The following AP4M1 variants were observed in gnomAD, a reference collection of about 807,000 sequenced individuals.
The protein encoded by AP4M1 is AP-4 complex subunit mu-1.
Under a neutral mutation model 62.4 loss-of-function variants are expected in AP4M1, and 58 were observed. That is an observed-to-expected ratio of 0.93 (90% CI 0.75 to 1.16). AP4M1 has a LOEUF of 1.16. AP4M1 is among the 50% of genes most tolerant of loss of function. The pLI is 0.00. For missense variants in AP4M1, 626 were observed against 585.4 expected (o/e 1.07, Z -0.72); for synonymous variants, 290 against 239.7 (o/e 1.21, Z -1.94).
intron 6 of AP4M1, 129 bp downstream of exon 6, chr7:100,103,821 C>A: frequency 1.1e-6 from 1 of 941,804 alleles, no homozygotes; most frequent in Non-Finnish European, 1.6e-6. Flanking sequence ...GTGGGCAGAT[C>A]ACCTGATGCC....
chr7:100,105,140 T>C, intron 9 of AP4M1, 42 bp downstream of exon 9: 1 of 1,613,582 alleles, frequency 6.2e-7, no homozygotes, highest in Non-Finnish European at 8.5e-7. Context: ...AGTAGGTCAT[T>C]GCCAGAGTTC....
intron 11 of AP4M1, 147 bp from the exon 12 acceptor site, chr7:100,105,812 C>T (rs778221253): frequency 2.3e-5 from 23 of 1,007,086 alleles, no homozygotes; most frequent in Non-Finnish European, 2.8e-5. Context: ...AAAGCTTTGG[C>T]TAATGGAGTT....
rs145979929 is a variant in AP4M1, at chr7:100,106,456, C to A, written c.1079C>A (p.Ala360Asp). 8.9e-5 allele frequency: 144 copies of A among 1,613,860 alleles called. No homozygotes were observed. The African/African-American group carries it at 1.4e-3, about 16-fold the overall frequency. The change falls in exon 14 of 15, where the codon GCC (alanine) becomes GAC (aspartate). Residue 360 changes from alanine (A) to aspartate (D), a missense_variant. By Grantham distance (126) the Ala-to-Asp change is moderately radical. Coordinates refer to ENST00000359593, the MANE Select transcript of AP4M1 (RefSeq NM_004722.4). ...CAGAAGGCTGAGCTGGCAGAGGGAG[C>A]CCTTCGCTGGGACCTGCCTCGGGTG... ...PEQKAELAEG[A>D]LRWDLPRVQG...
In AP4M1 at chr7:100,107,505, G is replaced by T; in HGVS notation, c.*623G>T. On this transcript the variant is annotated 3_prime_UTR_variant, in exon 15 of 15. Transcript: ENST00000359593. ...AGGACCAGAGGGAGCAGTGCTGGGG[G>T]GTGCGGTGGTGGCGGTGGAGACCAA... 3 of 1,614,128 alleles carry T rather than the reference G, an allele frequency of 1.9e-6. No individual in the cohort carries two copies. The highest frequency in any genetic ancestry group is 2.5e-6 in the Non-Finnish European group (3 of 1,180,002).
In AP4M1 at chr7:100,108,577, T is replaced by C. The variant is rs1796825524; in HGVS notation, c.*1695T>C. 1 of 1,562,148 alleles carries C rather than the reference T, an allele frequency of 6.4e-7. No individual in the cohort carries two copies. Among genetic ancestry groups the C allele is most frequent in the African/African-American group, 1.4e-5 (1 of 72,774 alleles). On this transcript the variant is annotated 3_prime_UTR_variant, in exon 15 of 15. Transcript: ENST00000359593. Reference sequence around the variant, plus strand: ...AAAAAAAGCCAGGTAGAGGGAGGGCTGGGGAAAAAAGCCAGGTAGAGGGAG... The same window carrying C: ...AAAAAAAGCCAGGTAGAGGGAGGGCCGGGGAAAAAAGCCAGGTAGAGGGAG...
chr7:100,101,555 G>T (rs1175421186), upstream of AP4M1: 1 of 833,622 alleles, frequency 1.2e-6, no homozygotes, highest in Admixed American at 2.0e-5. Context: ...GAATCTCCGG[G>T]CGGGGTAGTG....
chr7:100,103,653 T>G lies in AP4M1; in HGVS notation c.504T>G (p.Ser168Arg), dbSNP rs758037075. 1.7e-5 allele frequency: 27 copies of G among 1,613,356 alleles called. No homozygotes were observed. Among genetic ancestry groups the G allele is most frequent in the Non-Finnish European group, 2.2e-5 (26 of 1,180,024 alleles). The change falls in exon 6 of 15, where the codon AGT becomes AGG. Residue 168 changes from serine (S) to arginine (R), a missense_variant. By Grantham distance (110) the Ser-to-Arg change is moderately radical (BLOSUM62 -1). Coordinates refer to ENST00000359593, the MANE Select transcript of AP4M1 (RefSeq NM_004722.4). ...AACAGAGCAAAGTGGCCCCCAGCAG[T>G]GCAGCCAGCCGCCCCGTCCTGTCCA... ...ETQQSKVAPS[S>R]AASRPVLSSR...
In AP4M1 at chr7:100,101,732, C is replaced by T. The variant is rs1031293930; in HGVS notation, c.18C>T (p.Phe6=). The change falls in exon 1 of 15, where the codon TTC becomes TTT. Residue 6 remains phenylalanine, a synonymous_variant. Transcript: ENST00000359593. The stretch of plus-strand genomic sequence containing the variant: ...GAACGGCCATGATTTCCCAATTCTT[C>T]ATTCTGTCCTCCAAGGGGGACCCGC... The part of the protein sequence containing the change: MISQF[F]ILSSKGDPLI... 6.2e-7 allele frequency: 1 copy of T among 1,611,016 alleles called. No homozygotes were observed. The highest frequency in any genetic ancestry group is 8.5e-7 in the Non-Finnish European group (1 of 1,178,282).
At position 100,107,735 on chromosome 7, in the gene AP4M1, C is replaced by G. The variant is rs4134925; in HGVS notation, c.*853C>G. ...CTGAACAAGTTGTTCCTGTAGTTCA[C>G]CCTGTAGACAGCTATGGCTGGAGAC... On this transcript the variant is annotated 3_prime_UTR_variant, in exon 15 of 15. Transcript: ENST00000359593. The G allele has an allele frequency of 6.8e-7, 1 of 1,479,042 alleles. No homozygotes were observed. Among genetic ancestry groups the G allele is most frequent in the Non-Finnish European group, 9.0e-7 (1 of 1,107,082 alleles). The allele number at this position is 1,479,042 out of a possible 1,614,324, so 91.6% of individuals were successfully genotyped here.
intron 8 of AP4M1, 31 bp from the exon 9 acceptor site, chr7:100,105,014 T>C (rs1344754011): frequency 2.5e-6 from 4 of 1,613,878 alleles, no homozygotes; most frequent in East Asian, 4.5e-5. Flanking sequence ...ATGGCATTGC[T>C]GAGCTCTCCT....
chr7:100,106,351 G>A, intron 13 of AP4M1, 52 bp from the exon 14 acceptor site: 1 of 1,612,542 alleles, frequency 6.2e-7, no homozygotes, highest in Admixed American at 1.7e-5. Context: ...CAGCATGACG[G>A]GTCTGCCTCA....
Position 100,108,450 on chromosome 7 carries a change from G to GGAGGGGCCC in AP4M1, c.*1569_*1577dup. 1 of 1,614,068 alleles carries GGAGGGGCCC rather than the reference G, an allele frequency of 6.2e-7. No individual in the cohort carries two copies. Among genetic ancestry groups the GGAGGGGCCC allele is most frequent in the African/African-American group, 1.3e-5 (1 of 75,056 alleles). On this transcript the variant is annotated 3_prime_UTR_variant, in exon 15 of 15. Coordinates refer to ENST00000359593, the MANE Select transcript of AP4M1 (RefSeq NM_004722.4). ...CGAGCCTTGACCACCTGGGAGCAGA[G>GGAGGGGCCC]GAGGGGCCCAAGGGACCCGAATTCT...
At chr7:100,102,402 G>A (rs1379424023) in intron 2 of AP4M1, 1 of 491,580 alleles carries the variant, frequency 2.0e-6, no homozygotes, top group South Asian at 2.1e-5. Flanking sequence ...GGGTAGGTGG[G>A]GGTGGGGAAA....
chr7:100,106,300 G>A lies in AP4M1; in HGVS notation c.1025+9G>A, dbSNP rs758134959. Reference sequence around the variant, plus strand: ...CCTCGAGGGGTGGTCAGGTGAGTGTGTGCACCCACCACGGGGAGATTCCTG... The same window carrying A: ...CCTCGAGGGGTGGTCAGGTGAGTGTATGCACCCACCACGGGGAGATTCCTG... On this transcript the variant is annotated intron_variant, in intron 13 of 14. Coordinates refer to ENST00000359593, the MANE Select transcript of AP4M1 (RefSeq NM_004722.4). The A allele has an allele frequency of 1.2e-6, 2 of 1,613,836 alleles. No homozygotes were observed. The highest frequency in any genetic ancestry group is 2.2e-5 in the South Asian group (2 of 91,080).
chr7:100,108,791 T>G lies in AP4M1; in HGVS notation c.*1909T>G, dbSNP rs748680806. ...GCATCTTAGGCCTGTATCCCAGCAC[T>G]TGGGAGGCTGAGGTGGGTGGATCAC... On this transcript the variant is annotated 3_prime_UTR_variant, in exon 15 of 15. Transcript: ENST00000359593. 6 of 351,956 alleles carry G rather than the reference T, an allele frequency of 1.7e-5. No homozygotes were observed. Among genetic ancestry groups the G allele is most frequent in the South Asian group, 6.8e-5 (1 of 14,698 alleles). 21.8% of individuals were successfully genotyped at this position (351,956 alleles called of 1,614,324 possible).
rs1796139648 is a variant in AP4M1, at chr7:100,102,562, G to T, written c.148-113G>T. ...GGCATATGTCATGTATCTCCCAAAGGCACTGCTGTTGTGACTAGTAAGAGG... is the reference window on the plus strand; with the variant it reads ...GGCATATGTCATGTATCTCCCAAAGTCACTGCTGTTGTGACTAGTAAGAGG... On this transcript the variant is annotated intron_variant, in intron 2 of 14. Coordinates refer to ENST00000359593, the MANE Select transcript of AP4M1 (RefSeq NM_004722.4). 3.5e-6 allele frequency: 3 copies of T among 867,592 alleles called. No individual in the cohort carries two copies. In the South Asian group the frequency reaches 4.2e-5, roughly 12 times the overall value. 53.7% of individuals were successfully genotyped at this position (867,592 alleles called of 1,614,324 possible).
At position 100,108,363 on chromosome 7, in the gene AP4M1, G is replaced by T; in HGVS notation, c.*1481G>T. 1 of 1,593,936 alleles carries T rather than the reference G, an allele frequency of 6.3e-7. No homozygotes were observed. Among genetic ancestry groups the T allele is most frequent in the South Asian group, 1.1e-5 (1 of 90,098 alleles). On this transcript the variant is annotated 3_prime_UTR_variant, in exon 15 of 15. Transcript: ENST00000359593. ...CTATTCCTCCTCCCCACCCGGCCAC[G>T]GACCTGCGTGATGGTCAGAGTGGTC...
chr7:100,107,003 C>A lies in AP4M1; in HGVS notation c.*121C>A. The A allele has an allele frequency of 1.5e-6, 2 of 1,313,926 alleles. No homozygotes were observed. Among genetic ancestry groups the A allele is most frequent in the Non-Finnish European group, 2.1e-6 (2 of 945,556 alleles). 81.4% of individuals were successfully genotyped at this position (1,313,926 alleles called of 1,614,324 possible). Reference sequence around the variant, plus strand: ...TCTGGGCAGGAAGAGTCCTCAGTCCCAAGACCAGGAGGGGGCAATGGGCCC... The same window carrying A: ...TCTGGGCAGGAAGAGTCCTCAGTCCAAAGACCAGGAGGGGGCAATGGGCCC... On this transcript the variant is annotated 3_prime_UTR_variant, in exon 15 of 15. Transcript: ENST00000359593.
At position 100,107,533 on chromosome 7, in the gene AP4M1, TGAC is replaced by T; in HGVS notation, c.*654_*656del. 1 of 1,613,738 alleles carries T rather than the reference TGAC, an allele frequency of 6.2e-7. No individual in the cohort carries two copies. Among genetic ancestry groups the T allele is most frequent in the Non-Finnish European group, 8.5e-7 (1 of 1,179,918 alleles). Reference sequence around the variant, plus strand: ...GCGGTGGTGGCGGTGGAGACCAACTTGACGATGGGCTGCACGCTGGGGACGGTG... The same window carrying T: ...GCGGTGGTGGCGGTGGAGACCAACTTGATGGGCTGCACGCTGGGGACGGTG... On this transcript the variant is annotated 3_prime_UTR_variant, in exon 15 of 15. Transcript: ENST00000359593.
Sources: gnomAD v4.1 joint callset for allele counts on GRCh38, gnomAD v4.1.1 for gene constraint, MANE v1.5 for transcripts, NCBI Gene and HGNC (gene_info 2026-07-23, HGNC 2026-07-21) for gene names.